The following BICC1 variants were observed in gnomAD, a reference collection of about 807,000 sequenced individuals.
BICC1 encodes BicC family RNA binding protein 1, also known as protein bicaudal C homolog 1.
Under a neutral mutation model 111.0 loss-of-function variants are expected in BICC1, and 43 were observed. That is an observed-to-expected ratio of 0.39 (90% CI 0.30 to 0.50). The LOEUF is 0.50. Ranked by LOEUF, BICC1 falls within the 20% of genes least tolerant of loss-of-function variation. BICC1 has a pLI of 0.88. For missense variants in BICC1, 1,091 were observed against 1,203.2 expected (o/e 0.91, Z 1.38); for synonymous variants, 467 against 434.4 (o/e 1.07, Z -0.93).
At chr10:58,533,439 G>A (rs998182294) in intron 1 of BICC1, among the ~76,000 whole-genome samples, 14 of 151,684 alleles carry the variant, frequency 9.2e-5, no homozygotes, top group African/African-American at 3.1e-4. Flanking sequence ...AAGAGTACTG[G>A]AACTTTTTGG....
chr10:58,629,795 G>A (rs557087043), intron 2 of BICC1, among the ~76,000 whole-genome samples: 1 of 152,224 alleles, frequency 6.6e-6, no homozygotes, highest in African/African-American at 2.4e-5. Flanking sequence ...TTGGCTTGAT[G>A]TATTTGATGT....
intron 3 of BICC1, among the ~76,000 whole-genome samples, chr10:58,731,538 T>C (rs1841294785): frequency 6.6e-6 from 1 of 152,182 alleles, no homozygotes; most frequent in Admixed American, 6.5e-5. Context: ...AATAAAAAAA[T>C]ACATGAAACT....
chr10:58,667,202 T>C (rs930776279), intron 2 of BICC1, among the ~76,000 whole-genome samples: 1 of 152,166 alleles, frequency 6.6e-6, no homozygotes, highest in African/African-American at 2.4e-5. Flanking sequence ...TACTTGCTTA[T>C]TCTTCTTGGC....
chr10:58,615,354 T>A (rs1276293958), intron 1 of BICC1, among the ~76,000 whole-genome samples: 2 of 152,180 alleles, frequency 1.3e-5, no homozygotes, highest in African/African-American at 4.8e-5. Context: ...CAGTCAAGAA[T>A]ACGTCGAGGC....
chr10:58,739,424 G>A (rs1397385128), intron 3 of BICC1, among the ~76,000 whole-genome samples: 1 of 152,152 alleles, frequency 6.6e-6, no homozygotes, highest in Non-Finnish European at 1.5e-5. Context: ...GCATCCCAGG[G>A]ATGAAGCCAA....
chr10:58,585,021 G>C (rs1844391245), intron 1 of BICC1, among the ~76,000 whole-genome samples: 1 of 152,034 alleles, frequency 6.6e-6, no homozygotes, highest in African/African-American at 2.4e-5. Context: ...CTTCACTTTA[G>C]GTTTCTAATT....
Position 58,542,156 on chromosome 10 carries a change from A to AAAC in BICC1, c.190+28825_190+28826insCAA, listed in dbSNP as rs1554803866. On this transcript the variant is annotated intron_variant, in intron 1 of 20. Transcript: ENST00000373886. Reference sequence around the variant, plus strand: ...ACAGAGCAAGACCCTGTCTCAAAAAAAAAAAAAAAACAAAAAAAAAAACCC... The same window carrying AAAC: ...ACAGAGCAAGACCCTGTCTCAAAAAAAACAAAAAAAAAACAAAAAAAAAAACCC... Among the ~76,000 whole-genome samples, 13 of 145,140 alleles carry AAAC rather than the reference A, an allele frequency of 9.0e-5. No homozygotes were observed. In the South Asian group the frequency reaches 2.5e-3, roughly 28 times the overall value.
intron 2 of BICC1, among the ~76,000 whole-genome samples, chr10:58,695,717 T>G (rs541346508): frequency 1.9e-4 from 29 of 152,342 alleles, no homozygotes; most frequent in Non-Finnish European, 2.9e-4. Context: ...CCTTCATCTG[T>G]AAGATATTAT....
At chr10:58,757,037 C>G (rs1397082224) in intron 3 of BICC1, among the ~76,000 whole-genome samples, 2 of 152,106 alleles carry the variant, frequency 1.3e-5, no homozygotes, top group Non-Finnish European at 2.9e-5. Context: ...TTCTTAGTTA[C>G]TCTAATAACA....
chr10:58,811,424 G>A (rs911852221), intron 17 of BICC1, among the ~76,000 whole-genome samples: 1 of 152,144 alleles, frequency 6.6e-6, no homozygotes, highest in Non-Finnish European at 1.5e-5. Context: ...AAATATTAAA[G>A]ATATTTTATC....
intron 2 of BICC1, among the ~76,000 whole-genome samples, chr10:58,675,191 G>T (rs984767099): frequency 1.3e-5 from 2 of 152,140 alleles, no homozygotes; most frequent in Admixed American, 1.3e-4. Context: ...AGAGAACAAG[G>T]ATTTGAACAC....
intron 17 of BICC1, among the ~76,000 whole-genome samples, chr10:58,810,388 G>A (rs985564133): frequency 6.6e-6 from 1 of 152,130 alleles, no homozygotes; most frequent in South Asian, 2.1e-4. Flanking sequence ...ATTCCAGCAT[G>A]GACATTAACC....
At chr10:58,666,019 T>C (rs1485555543) in intron 2 of BICC1, among the ~76,000 whole-genome samples, 1 of 152,238 alleles carries the variant, frequency 6.6e-6, no homozygotes, top group Non-Finnish European at 1.5e-5. Flanking sequence ...GCAGTTGATA[T>C]ATTATATTGG....
chr10:58,708,738 G>A (rs1840479846), intron 3 of BICC1, among the ~76,000 whole-genome samples: 2 of 152,074 alleles, frequency 1.3e-5, no homozygotes, highest in African/African-American at 2.4e-5. Flanking sequence ...TACTGTGCAC[G>A]TGGTTGACAA....
chr10:58,585,331 G>T (rs977027567), intron 1 of BICC1, among the ~76,000 whole-genome samples: 1 of 152,078 alleles, frequency 6.6e-6, no homozygotes, highest in Non-Finnish European at 1.5e-5. Flanking sequence ...CAGTTGGTTG[G>T]TGCTGGTCAC....
rs1184612995 is a variant in BICC1 at position 58,601,134 on chromosome 10, T to TA, written c.191-19717dup. 2.2e-4 allele frequency among the ~76,000 whole-genome samples: 9 copies of TA among 40,666 alleles called. No homozygotes were observed. In the East Asian group the frequency reaches 4.7e-3, roughly 21 times the overall value. 26.7% of individuals were successfully genotyped at this position (40,666 alleles called of 152,430 possible). A position where few individuals can be genotyped will look rare whatever the true frequency, so the allele number is the denominator to read the frequency against. On this transcript the variant is annotated intron_variant, in intron 1 of 20. Transcript: ENST00000373886. ...GTACATACTTTTTAGGCAGTCATTT[T>TA]AAAACTTATATATATATATATATAT...
At chr10:58,537,051 G>A (rs538780560) in intron 1 of BICC1, among the ~76,000 whole-genome samples, 1 of 150,198 alleles carries the variant, frequency 6.7e-6, no homozygotes, top group Admixed American at 6.6e-5. Context: ...GATTGAATCA[G>A]GTAAACAAAC....
intron 1 of BICC1, among the ~76,000 whole-genome samples, chr10:58,526,663 G>A (rs1842551421): frequency 6.6e-6 from 1 of 152,182 alleles, no homozygotes; most frequent in African/African-American, 2.4e-5. Context: ...CCACCTAAGA[G>A]TGAGAACATG....
chr10:58,619,696 ATC>A (rs746786394), intron 1 of BICC1, among the ~76,000 whole-genome samples: 2 of 151,982 alleles, frequency 1.3e-5, no homozygotes, highest in Admixed American at 6.6e-5. Flanking sequence ...GATGGTCTTG[ATC>A]TCTTGACCTT....
Sources: allele counts gnomAD v4.1 joint callset (sites outside exome capture counted in the v4.1 genomes callset), GRCh38; gene constraint gnomAD v4.1.1; transcripts MANE v1.5; gene names NCBI Gene and HGNC (gene_info 2026-07-23, HGNC 2026-07-21).